ERC2: variants seen among roughly 807,000 people sequenced by gnomAD.
ERC2 encodes the protein ELKS/RAB6-interacting/CAST family member 2.
A neutral mutation model predicts 114.8 loss-of-function variants in ERC2; 42 were observed. That is an observed-to-expected ratio of 0.37 (90% confidence interval 0.29 to 0.47). The LOEUF is 0.47. Ranked by LOEUF, ERC2 falls within the 20% of genes least tolerant of loss-of-function variation. The pLI is 0.99. For missense variants in ERC2, 939 were observed against 1,150.7 expected (o/e 0.82, Z 2.66); for synonymous variants, 454 against 425.5 (o/e 1.07, Z -0.82).
intron 1 of ERC2, among the ~76,000 whole-genome samples, chr3:56,437,765 G>A (rs188361430): frequency 4.6e-5 from 7 of 152,264 alleles, no homozygotes; most frequent in African/African-American, 1.2e-4. Flanking sequence ...ATAAGAATTC[G>A]GTGACATAAA....
intron 4 of ERC2, among the ~76,000 whole-genome samples, chr3:56,155,025 C>T (rs9873343): frequency 0.06 from 9,169 of 152,244 alleles, 329 homozygotes; most frequent in African/African-American, 0.11. Context: ...AAATGAGTGG[C>T]TACATGGAAG....
chr3:56,419,165 A>G (rs2061289054), intron 2 of ERC2, among the ~76,000 whole-genome samples: 1 of 152,240 alleles, frequency 6.6e-6, no homozygotes, highest in Admixed American at 6.5e-5. Context: ...CCCTTGGCAT[A>G]TAACTGGGAA....
chr3:56,180,120 G>C (rs373707969), intron 3 of ERC2, among the ~76,000 whole-genome samples: 2 of 152,152 alleles, frequency 1.3e-5, no homozygotes, highest in African/African-American at 4.8e-5. Context: ...CATAATGAGA[G>C]CGTGGCCATC....
At chr3:55,980,877 A>C (rs2070073790) in intron 12 of ERC2, among the ~76,000 whole-genome samples, 1 of 152,234 alleles carries the variant, frequency 6.6e-6, no homozygotes, top group South Asian at 2.1e-4. Context: ...AAGGAATCTC[A>C]GACACACACT....
rs541282961 is a variant in ERC2 at position 55,796,205 on chromosome 3, C to A, written c.2565-61287G>T. 1.2e-4 allele frequency among the ~76,000 whole-genome samples: 18 copies of A among 152,168 alleles called. No homozygotes were observed. In the South Asian group the frequency reaches 3.1e-3, roughly 26 times the overall value. ...GGAAGGGAATTTCAGGAAGGCGGAA[C>A]AGCACGTGCAAAAGGTTCGAAGCAG... On this transcript the variant is annotated intron_variant, in intron 14 of 17. Transcript: ENST00000288221.
Position 55,759,785 on chromosome 3 carries a change from T to C in ERC2, c.2565-24867A>G, listed in dbSNP as rs372602511. Among the ~76,000 whole-genome samples, 12 of 152,342 alleles carry C rather than the reference T, an allele frequency of 7.9e-5. No individual in the cohort carries two copies. The East Asian group carries it at 2.3e-3, about 29-fold the overall frequency. On this transcript the variant is annotated intron_variant, in intron 14 of 17. Transcript: ENST00000288221. The stretch of plus-strand genomic sequence containing the variant: ...CCAATTATCTGAATGACTGACACTT[T>C]CAAGTTTTATGGTTGATTTTGAAGA...
intron 7 of ERC2, among the ~76,000 whole-genome samples, chr3:56,069,379 C>T (rs1359916267): frequency 6.6e-6 from 1 of 152,124 alleles, no homozygotes; most frequent in East Asian, 1.9e-4. Flanking sequence ...TGCTGTATGA[C>T]AAAATGCCAC....
intron 14 of ERC2, among the ~76,000 whole-genome samples, chr3:55,817,300 T>A (rs1240700012): frequency 6.6e-6 from 1 of 152,188 alleles, no homozygotes; most frequent in East Asian, 1.9e-4. Flanking sequence ...ATTTCCAAGC[T>A]TTTAGTGTTT....
At chr3:55,683,387 C>T (rs553075551) in intron 17 of ERC2, among the ~76,000 whole-genome samples, 44 of 152,272 alleles carry the variant, frequency 2.9e-4, no homozygotes, top group African/African-American at 9.1e-4. Flanking sequence ...ACCAGAAGGA[C>T]GTGAGAGTCA....
intron 17 of ERC2, among the ~76,000 whole-genome samples, chr3:55,575,039 A>C (rs868482638): frequency 6.6e-6 from 1 of 151,952 alleles, no homozygotes; most frequent in African/African-American, 2.4e-5. Flanking sequence ...TCTGAGACGG[A>C]ATGTTGCCCT....
At chr3:55,908,376 G>A (rs527893914) in intron 13 of ERC2, among the ~76,000 whole-genome samples, 108 of 152,228 alleles carry the variant, frequency 7.1e-4, no homozygotes, top group African/African-American at 2.4e-3. Flanking sequence ...AGGGTTGGTG[G>A]AAAGAGCATT....
intron 3 of ERC2, among the ~76,000 whole-genome samples, chr3:56,213,157 G>A (rs532700365): frequency 4.6e-5 from 7 of 152,246 alleles, no homozygotes; most frequent in East Asian, 1.9e-4. Context: ...GGGGATCTTC[G>A]GAAAGTGGGT....
At position 56,274,643 on chromosome 3, in the gene ERC2, G is replaced by T. The variant is rs1029627927; in HGVS notation, c.1074+21376C>A. ...ATTCAAATATTGTTTGTGTGGGTGT[G>T]TGATTGTTCTGTGTGTATGTACCTT... is the stretch of plus-strand genomic sequence containing the variant. On this transcript the variant is annotated intron_variant, in intron 3 of 17. Coordinates refer to ENST00000288221, the MANE Select transcript of ERC2 (RefSeq NM_015576.3). 2.0e-5 allele frequency among the ~76,000 whole-genome samples: 3 copies of T among 152,184 alleles called. No individual in the cohort carries two copies. In the East Asian group the frequency reaches 5.8e-4, roughly 29 times the overall value.
chr3:55,763,797 A>G (rs373924023), intron 14 of ERC2, among the ~76,000 whole-genome samples: 21 of 152,348 alleles, frequency 1.4e-4, no homozygotes, highest in South Asian at 6.2e-4. Context: ...GTATTTTTAA[A>G]GTTGGACATC....
At chr3:56,256,845 T>G (rs1370756057) in intron 3 of ERC2, among the ~76,000 whole-genome samples, 1 of 152,146 alleles carries the variant, frequency 6.6e-6, no homozygotes, top group African/African-American at 2.4e-5. Context: ...ATAAGGTGCC[T>G]GCTTCCCCTT....
chr3:56,195,501 G>GTGTGTGTGTGTA (rs1491475979), intron 3 of ERC2, among the ~76,000 whole-genome samples: 1 of 6,028 alleles, frequency 1.7e-4, no homozygotes, highest in Non-Finnish European at 5.4e-3. Flanking sequence ...GCGTGTGTGC[G>GTGTGTGTGTGTA]TGTGTGTGTG....
chr3:56,008,233 T>C (rs2072654269), intron 9 of ERC2, among the ~76,000 whole-genome samples: 1 of 152,170 alleles, frequency 6.6e-6, no homozygotes, highest in Non-Finnish European at 1.5e-5. Flanking sequence ...GCTAATAATT[T>C]ACACTGGGTT....
intron 15 of ERC2, among the ~76,000 whole-genome samples, chr3:55,714,364 G>T (rs1304895897): frequency 6.6e-6 from 1 of 151,956 alleles, no homozygotes; most frequent in Non-Finnish European, 1.5e-5. Flanking sequence ...ATACAAAAGG[G>T]TATCACAGGG....
intron 15 of ERC2, among the ~76,000 whole-genome samples, chr3:55,732,041 A>T (rs2065282135): frequency 6.6e-6 from 1 of 152,082 alleles, no homozygotes; most frequent in African/African-American, 2.4e-5. Flanking sequence ...CCGGTAGACT[A>T]TCTAAAGCCT....
Sources: gnomAD v4.1 joint callset for allele counts (sites outside exome capture counted in the v4.1 genomes callset) on GRCh38, gnomAD v4.1.1 for gene constraint, MANE v1.5 for transcripts, NCBI Gene and HGNC (gene_info 2026-07-23, HGNC 2026-07-21) for gene names.